The following CTNND2 variants were observed in gnomAD, a reference collection of about 807,000 sequenced individuals.
CTNND2 encodes the protein catenin delta 2.
In CTNND2, 22 loss-of-function variants were observed where a neutral mutation model predicts 144.4. The observed-to-expected ratio is 0.15, with a 90% CI of 0.11 to 0.22. The LOEUF is 0.22. Ranked by LOEUF, CTNND2 falls within the 10% of genes least tolerant of loss-of-function variation. The pLI, the probability that CTNND2 is intolerant of heterozygous loss-of-function variation, is 1.00. For missense variants in CTNND2, 1,353 were observed against 1,618.8 expected (o/e 0.84, Z 2.82); for synonymous variants, 751 against 695.6 (o/e 1.08, Z -1.25).
intron 9 of CTNND2, among the ~76,000 whole-genome samples, chr5:11,309,042 G>A (rs990681739): frequency 2.0e-5 from 3 of 152,188 alleles, no homozygotes; most frequent in East Asian, 1.9e-4. Flanking sequence ...ATCAAACTTC[G>A]TGATCCAATC....
intron 12 of CTNND2, among the ~76,000 whole-genome samples, chr5:11,138,566 T>C (rs960958894): frequency 6.6e-6 from 1 of 152,222 alleles, no homozygotes. Flanking sequence ...TGCCCTGTGG[T>C]TACCTGTGTC....
At chr5:11,650,891 T>C (rs762341064) in intron 2 of CTNND2, among the ~76,000 whole-genome samples, 1 of 152,204 alleles carries the variant, frequency 6.6e-6, no homozygotes, top group Non-Finnish European at 1.5e-5. Flanking sequence ...CTGGAACTTA[T>C]ATTTAATAGG....
At chr5:11,738,812 T>G (rs1044057978) in intron 1 of CTNND2, among the ~76,000 whole-genome samples, 1 of 152,160 alleles carries the variant, frequency 6.6e-6, no homozygotes, top group Admixed American at 6.5e-5. Context: ...GTGGCCATTA[T>G]ATGGGTTTGC....
rs1418477449 is a variant in CTNND2 at position 11,757,246 on chromosome 5, T to C, written c.38-24974A>G. On this transcript the variant is annotated intron_variant, in intron 1 of 21. Transcript: ENST00000304623. ...TGCTATATATATTGTTCTGTAACTT[T>C]TTTTCCAATCAGGATGTCTTCGAGA... 2.6e-5 allele frequency among the ~76,000 whole-genome samples: 4 copies of C among 151,782 alleles called. 1 individual carries two copies. The South Asian group carries it at 6.2e-4, about 24-fold the overall frequency.
chr5:11,222,423 T>C (rs1739892088), intron 10 of CTNND2, among the ~76,000 whole-genome samples: 1 of 152,220 alleles, frequency 6.6e-6, no homozygotes. Flanking sequence ...CTTGCCTCGC[T>C]GCAGGGTAGC....
intron 9 of CTNND2, among the ~76,000 whole-genome samples, chr5:11,240,196 CA>C (rs1742091940): frequency 7.3e-6 from 1 of 136,758 alleles, no homozygotes; most frequent in African/African-American, 2.7e-5. Flanking sequence ...ACCCAACACA[CA>C]CACACACACC....
chr5:11,479,404 G>A (rs979802685), intron 3 of CTNND2, among the ~76,000 whole-genome samples: 2 of 152,146 alleles, frequency 1.3e-5, no homozygotes, highest in Non-Finnish European at 2.9e-5. Flanking sequence ...TACCTTTGAT[G>A]GGCATTTAGG....
In CTNND2 at chr5:11,584,430, G is replaced by C. The variant is rs568357333; in HGVS notation, c.175-19374C>G. On this transcript the variant is annotated intron_variant, in intron 2 of 21. Transcript: ENST00000304623. ...ACATATATATATATTTTTTTTGGGGGGGGGGAGGAGGAAGCTAGTACTGTT... is the reference window on the plus strand; with the variant it reads ...ACATATATATATATTTTTTTTGGGGCGGGGGAGGAGGAAGCTAGTACTGTT... 4.8e-5 allele frequency among the ~76,000 whole-genome samples: 7 copies of C among 145,842 alleles called. 1 individual carries two copies. The South Asian group carries it at 9.3e-4, about 19-fold the overall frequency.
chr5:11,302,376 G>T, intron 9 of CTNND2, among the ~76,000 whole-genome samples: 1 of 152,220 alleles, frequency 6.6e-6, no homozygotes. Flanking sequence ...TCTTACCGGG[G>T]AGTCCTCTTA....
chr5:11,425,983 G>T (rs561282568), intron 3 of CTNND2, among the ~76,000 whole-genome samples: 1 of 152,000 alleles, frequency 6.6e-6, no homozygotes, highest in Admixed American at 6.6e-5. Flanking sequence ...GGATCCCCTC[G>T]GCCTGCCTTT....
intron 2 of CTNND2, among the ~76,000 whole-genome samples, chr5:11,713,937 G>T (rs541787233): frequency 6.6e-6 from 1 of 152,078 alleles, no homozygotes; most frequent in African/African-American, 2.4e-5. Flanking sequence ...GGGACAGCAG[G>T]GGGGCGGGAC....
chr5:11,287,709 A>G (rs1747894316), intron 9 of CTNND2, among the ~76,000 whole-genome samples: 1 of 152,240 alleles, frequency 6.6e-6, no homozygotes, highest in Admixed American at 6.5e-5. Flanking sequence ...AGTGCAGGGG[A>G]CAGGCTTAGA....
chr5:11,862,441 G>T (rs756896503), intron 1 of CTNND2, among the ~76,000 whole-genome samples: 1 of 152,164 alleles, frequency 6.6e-6, no homozygotes, highest in African/African-American at 2.4e-5. Flanking sequence ...TACTTTGAAG[G>T]CACCATGGTT....
chr5:11,159,606 T>A lies in CTNND2; in HGVS notation c.2129A>T (p.Gln710Leu). ...DDRKIQLHSS[Q>L]VLRNATGCLR... ...GCACCCGGTGGCGTTACGCAGCACCTGTGATGAATGCAGCTGTATTTTCCG... is the reference window on the plus strand; with the variant it reads ...GCACCCGGTGGCGTTACGCAGCACCAGTGATGAATGCAGCTGTATTTTCCG... The change falls in exon 12 of 22, where the codon CAG (glutamine) becomes CTG (leucine). Residue 710 changes from glutamine (Q) to leucine (L), a missense_variant. Transcript: ENST00000304623. The A allele has an allele frequency of 6.2e-7, 1 of 1,613,038 alleles. No individual in the cohort carries two copies. The highest frequency in any genetic ancestry group is 1.1e-5 in the South Asian group (1 of 90,782).
At chr5:11,351,485 TA>T (rs1342943317) in intron 8 of CTNND2, among the ~76,000 whole-genome samples, 2 of 152,162 alleles carry the variant, frequency 1.3e-5, no homozygotes, top group African/African-American at 4.8e-5. Context: ...GCTGCACAAA[TA>T]AGGGCCTAGT....
chr5:10,973,790 T>C lies in CTNND2; in HGVS notation c.3418-77A>G. 1 of 1,477,764 alleles carries C rather than the reference T, an allele frequency of 6.8e-7. No homozygotes were observed. 91.5% of individuals were successfully genotyped at this position (1,477,764 alleles called of 1,614,324 possible). A position where few individuals can be genotyped will look rare whatever the true frequency, so the allele number is the denominator to read the frequency against. On this transcript the variant is annotated intron_variant, in intron 21 of 21. Transcript: ENST00000304623. The surrounding 1 kb of genome is among the most constrained non-coding windows in gnomAD (Gnocchi z 5.6). ...CCTGCCTCTTGCCCCGGCACCCAAC[T>C]CTCCTTCAAAGAATAGGCTGTGTAT...
intron 2 of CTNND2, among the ~76,000 whole-genome samples, chr5:11,667,431 GT>G (rs2126588982): frequency 6.6e-6 from 1 of 152,264 alleles, no homozygotes; most frequent in South Asian, 2.1e-4. Context: ...AGTATCTGTT[GT>G]TTCCTGACTT....
chr5:11,804,545 T>C (rs1337622770), intron 1 of CTNND2, among the ~76,000 whole-genome samples: 1 of 152,112 alleles, frequency 6.6e-6, no homozygotes, highest in African/African-American at 2.4e-5. Context: ...TATCAAGCCA[T>C]GAAAAGACAT....
chr5:11,007,269 C>T (rs1388691738), intron 18 of CTNND2, among the ~76,000 whole-genome samples: 7 of 152,212 alleles, frequency 4.6e-5, no homozygotes, highest in African/African-American at 7.2e-5. Flanking sequence ...GGGGTACTAT[C>T]GCATAGACTG....
Sources: gnomAD v4.1 joint callset for allele counts (sites outside exome capture counted in the v4.1 genomes callset) on GRCh38, gnomAD v4.1.1 for gene constraint, Gnocchi (gnomAD v3.1) non-coding constraint, MANE v1.5 for transcripts, NCBI Gene and HGNC (gene_info 2026-07-23, HGNC 2026-07-21) for gene names.